Variants in MCC observed in about 807,000 individuals in gnomAD.
MCC encodes the protein MCC regulator of Wnt signaling pathway.
A neutral mutation model predicts 116.2 loss-of-function variants in MCC; 90 were observed. The observed-to-expected ratio is 0.77, with a 90% CI of 0.65 to 0.92. MCC has a LOEUF of 0.92. Among genes scored for constraint, MCC ranks in the 40% least tolerant of loss-of-function variants. MCC has a pLI of 0.00. For missense variants in MCC, 1,516 were observed against 1,312.2 expected, an observed-to-expected ratio of 1.16 and a Z score of -2.40; for synonymous variants, 578 against 510.5, an observed-to-expected ratio of 1.13 and a Z score of -1.78.
intron 3 of MCC, among the ~76,000 whole-genome samples, chr5:113,292,512 C>G (rs1459496216): frequency 6.6e-6 from 1 of 152,090 alleles, no homozygotes; most frequent in East Asian, 1.9e-4. Flanking sequence ...GACTACAAAG[C>G]ACTCTCAACT....
Position 113,343,194 on chromosome 5 carries a change from T to TCAGATGGTTTCCCC in MCC, c.416-2478_416-2465dup, listed in dbSNP as rs1467077217. 1.1e-4 allele frequency among the ~76,000 whole-genome samples: 16 copies of TCAGATGGTTTCCCC among 152,342 alleles called. No individual in the cohort carries two copies. In the East Asian group the frequency reaches 3.1e-3, roughly 29 times the overall value. On this transcript the variant is annotated intron_variant, in intron 2 of 18. Coordinates refer to ENST00000408903, the MANE Select transcript of MCC (RefSeq NM_001085377.2). ...ATCAATGTGAATAGGAAAACTGTCT[T>TCAGATGGTTTCCCC]CAGATGGTTTCCCCTTACTGTTCTG... is the stretch of plus-strand genomic sequence containing the variant.
At chr5:113,108,331 T>TAAAAAAA (rs56780207) in intron 6 of MCC, among the ~76,000 whole-genome samples, 4 of 42,726 alleles carry the variant, frequency 9.4e-5, no homozygotes, top group South Asian at 1.9e-3. Flanking sequence ...CACTCTATCT[T>TAAAAAAA]AAAAAAAAAA....
At chr5:113,427,068 G>C (rs1234117289) in intron 1 of MCC, among the ~76,000 whole-genome samples, 3 of 152,010 alleles carry the variant, frequency 2.0e-5, no homozygotes, top group African/African-American at 7.3e-5. Context: ...GTTGCAGGTG[G>C]GGACTCTGAG....
chr5:113,318,221 A>AGAT (rs1767334289), intron 3 of MCC, among the ~76,000 whole-genome samples: 3 of 152,286 alleles, frequency 2.0e-5, no homozygotes, highest in South Asian at 4.1e-4. Context: ...TGCCATTTTG[A>AGAT]GATGAAGACA....
At chr5:113,048,758 T>C in intron 16 of MCC, 1 of 461,110 alleles carries the variant, frequency 2.2e-6, no homozygotes, top group East Asian at 3.4e-5. Context: ...ATTATACCAA[T>C]AAACCAACAA....
At chr5:113,318,327 G>T (rs1039897327) in intron 3 of MCC, among the ~76,000 whole-genome samples, 1 of 152,130 alleles carries the variant, frequency 6.6e-6, no homozygotes, top group African/African-American at 2.4e-5. Flanking sequence ...TAACTCCAAA[G>T]CCTACATAAG....
intron 1 of MCC, among the ~76,000 whole-genome samples, chr5:113,441,838 T>C (rs1771051953): frequency 6.6e-6 from 1 of 152,224 alleles, no homozygotes; most frequent in Non-Finnish European, 1.5e-5. Context: ...GAACTCATTC[T>C]TTTTTAAGGC....
intron 2 of MCC, among the ~76,000 whole-genome samples, chr5:113,381,590 T>C (rs1277932304): frequency 2.0e-5 from 3 of 152,054 alleles, no homozygotes; most frequent in African/African-American, 7.2e-5. Context: ...GAGTTGAGAC[T>C]ATCCTGGACA....
intron 1 of MCC, among the ~76,000 whole-genome samples, chr5:113,424,784 A>T (rs969638443): frequency 6.6e-6 from 1 of 152,138 alleles, no homozygotes; most frequent in African/African-American, 2.4e-5. Context: ...AACTCTTAAA[A>T]ATTAAAAGCA....
intron 3 of MCC, among the ~76,000 whole-genome samples, chr5:113,306,647 T>C (rs1240073793): frequency 2.6e-5 from 4 of 152,182 alleles, no homozygotes; most frequent in African/African-American, 9.6e-5. Flanking sequence ...AATTTGCAAA[T>C]ATTCTCTCCC....
chr5:113,396,797 C>T (rs932092047), intron 1 of MCC, among the ~76,000 whole-genome samples: 3 of 152,124 alleles, frequency 2.0e-5, no homozygotes, highest in African/African-American at 4.8e-5. Context: ...TGATACCTGG[C>T]ATATAATAGG....
intron 3 of MCC, among the ~76,000 whole-genome samples, chr5:113,286,281 AC>A (rs1261955154): frequency 6.6e-6 from 1 of 152,226 alleles, no homozygotes; most frequent in East Asian, 1.9e-4. Flanking sequence ...CCACAGGAAA[AC>A]AGGAACAAGG....
At chr5:113,189,915 G>C (rs543606019) in intron 3 of MCC, among the ~76,000 whole-genome samples, 14 of 152,252 alleles carry the variant, frequency 9.2e-5, no homozygotes, top group African/African-American at 3.4e-4. Flanking sequence ...AGAAGATCCA[G>C]GCTTGGCTCT....
At chr5:113,346,018 T>C (rs1768124167) in intron 2 of MCC, among the ~76,000 whole-genome samples, 1 of 152,068 alleles carries the variant, frequency 6.6e-6, no homozygotes, top group Non-Finnish European at 1.5e-5. Context: ...TTCTATCAGA[T>C]AAAGTTAACA....
intron 3 of MCC, among the ~76,000 whole-genome samples, chr5:113,255,026 G>A (rs907142073): frequency 2.0e-5 from 3 of 152,250 alleles, no homozygotes; most frequent in Admixed American, 1.3e-4. Flanking sequence ...TTAGCTGGGC[G>A]TGGTGGCAGA....
At chr5:113,282,355 G>C (rs1231022349) in intron 3 of MCC, among the ~76,000 whole-genome samples, 1 of 152,178 alleles carries the variant, frequency 6.6e-6, no homozygotes, top group Non-Finnish European at 1.5e-5. Context: ...TTTGAAGGCA[G>C]CTTTATCAGC....
intron 3 of MCC, among the ~76,000 whole-genome samples, chr5:113,157,241 C>T (rs1760221530): frequency 6.6e-6 from 1 of 152,224 alleles, no homozygotes; most frequent in Non-Finnish European, 1.5e-5. Flanking sequence ...TCTCCAGGCA[C>T]CATCTCCTCT....
intron 3 of MCC, among the ~76,000 whole-genome samples, chr5:113,295,607 T>C (rs1235939362): frequency 6.6e-6 from 1 of 151,820 alleles, no homozygotes; most frequent in Non-Finnish European, 1.5e-5. Flanking sequence ...GAGTGTGGAG[T>C]ATGATTCAGA....
At chr5:113,094,161 A>G (rs1323072568) in intron 8 of MCC, among the ~76,000 whole-genome samples, 1 of 152,176 alleles carries the variant, frequency 6.6e-6, no homozygotes, top group Middle Eastern at 3.2e-3. Flanking sequence ...ATCTATTTAC[A>G]GCAAATATTT....
Sources: gnomAD v4.1 joint callset for allele counts (sites outside exome capture counted in the v4.1 genomes callset) on GRCh38, gnomAD v4.1.1 for gene constraint, MANE v1.5 for transcripts, NCBI Gene and HGNC (gene_info 2026-07-23, HGNC 2026-07-21) for gene names.